The following COMMD1 variants were observed in gnomAD, a reference collection of about 807,000 sequenced individuals.
COMMD1 encodes copper metabolism domain containing 1.
COMMD1 carries 10 observed loss-of-function variants against 17.2 expected under a neutral mutation model. That is an observed-to-expected ratio of 0.58 (90% CI 0.36 to 0.99). The LOEUF is 0.99. Among genes scored for constraint, COMMD1 ranks in the 50% least tolerant of loss-of-function variants. COMMD1 has a pLI of 0.01. For missense variants in COMMD1, 270 were observed against 231.8 expected (o/e 1.17, Z -1.07); for synonymous variants, 97 against 91.6 (o/e 1.06, Z -0.34).
At chr2:62,086,078 G>T (rs1573165680) in intron 2 of COMMD1, among the ~76,000 whole-genome samples, 1 of 152,108 alleles carries the variant, frequency 6.6e-6, no homozygotes, top group South Asian at 2.1e-4. Flanking sequence ...AGGTGTGTGG[G>T]GGTTGAGGTG....
At chr2:61,969,712 G>T (rs1223622166) in intron 1 of COMMD1, among the ~76,000 whole-genome samples, 2 of 152,158 alleles carry the variant, frequency 1.3e-5, no homozygotes, top group Non-Finnish European at 2.9e-5. Context: ...AATTGGAGAA[G>T]TGCATAGCTT....
intron 2 of COMMD1, among the ~76,000 whole-genome samples, chr2:62,092,118 G>A (rs1226437572): frequency 6.6e-6 from 1 of 152,190 alleles, no homozygotes; most frequent in African/African-American, 2.4e-5. Flanking sequence ...GGGGTAGGCA[G>A]ACAGAAGAGA....
At chr2:62,049,880 C>T (rs1670490711) in intron 2 of COMMD1, among the ~76,000 whole-genome samples, 1 of 151,682 alleles carries the variant, frequency 6.6e-6, no homozygotes, top group Admixed American at 6.6e-5. Flanking sequence ...AGAAAAAATG[C>T]CCTAAATTTA....
chr2:61,928,934 T>G (rs1299602288), intron 1 of COMMD1, among the ~76,000 whole-genome samples: 1 of 152,158 alleles, frequency 6.6e-6, no homozygotes, highest in Non-Finnish European at 1.5e-5. Flanking sequence ...AAATAAGGAT[T>G]ATAACCTGGA....
intron 1 of COMMD1, among the ~76,000 whole-genome samples, chr2:61,971,363 G>A (rs979411039): frequency 1.3e-5 from 2 of 152,134 alleles, no homozygotes; most frequent in Non-Finnish European, 2.9e-5. Context: ...GATTTTTTAA[G>A]ATAAGATGGG....
intron 2 of COMMD1, among the ~76,000 whole-genome samples, chr2:62,027,674 A>G (rs1292460122): frequency 6.6e-6 from 1 of 150,872 alleles, no homozygotes; most frequent in East Asian, 1.9e-4. Context: ...ATGTTATGTT[A>G]TGTTATGTTA....
intron 2 of COMMD1, among the ~76,000 whole-genome samples, chr2:62,109,919 C>CTTTTTTTTTTT (rs11345736): frequency 1.2e-3 from 89 of 73,860 alleles, no homozygotes; most frequent in Non-Finnish European, 1.4e-3. Flanking sequence ...TTATCTTGAT[C>CTTTTTTTTTTT]TTTTTTTTTT....
chr2:61,936,724 C>T (rs1289795282), intron 1 of COMMD1, among the ~76,000 whole-genome samples: 1 of 152,210 alleles, frequency 6.6e-6, no homozygotes, highest in Non-Finnish European at 1.5e-5. Flanking sequence ...TGAGCCACCA[C>T]ACCTGGCCTT....
intron 1 of COMMD1, among the ~76,000 whole-genome samples, chr2:61,975,110 A>ATTTC (rs1671759135): frequency 2.3e-5 from 2 of 87,692 alleles, no homozygotes; most frequent in African/African-American, 4.0e-5. Flanking sequence ...TCGATAGCTC[A>ATTTC]TTTCTTTCTT....
rs1251434484 is a variant in COMMD1 at position 62,041,645 on chromosome 2, C to T, written c.462+40663C>T. Among the ~76,000 whole-genome samples, 3 of 152,198 alleles carry T rather than the reference C, an allele frequency of 2.0e-5. No individual in the cohort carries two copies. The East Asian group carries it at 5.8e-4, about 29-fold the overall frequency. On this transcript the variant is annotated intron_variant, in intron 2 of 2. Transcript: ENST00000311832. ...AGCTCAAGCCATCTGCCTCCCTGTC[C>T]TCCCAAAGTGCTAGTGTGTCCGGAA... is the stretch of plus-strand genomic sequence containing the variant.
intron 1 of COMMD1, among the ~76,000 whole-genome samples, chr2:61,949,006 A>C (rs1198958151): frequency 2.0e-5 from 3 of 152,214 alleles, no homozygotes; most frequent in Non-Finnish European, 4.4e-5. Flanking sequence ...GTGTCTTTGC[A>C]CCTATAATTC....
At chr2:61,899,247 C>T (rs1478114622) in intron 1 of COMMD1, among the ~76,000 whole-genome samples, 1 of 152,122 alleles carries the variant, frequency 6.6e-6, no homozygotes, top group Non-Finnish European at 1.5e-5. Flanking sequence ...AAGATGTCCT[C>T]CCTTTACCAG....
At chr2:62,104,483 A>C (rs901202228) in intron 2 of COMMD1, among the ~76,000 whole-genome samples, 1 of 151,556 alleles carries the variant, frequency 6.6e-6, no homozygotes, top group Admixed American at 6.6e-5. Flanking sequence ...AAAATGCAAA[A>C]ATTAGCTGGG....
At chr2:62,060,728 T>C (rs1272330881) in intron 2 of COMMD1, among the ~76,000 whole-genome samples, 1 of 152,220 alleles carries the variant, frequency 6.6e-6, no homozygotes, top group African/African-American at 2.4e-5. Context: ...TCTTTATTCT[T>C]GATGGATATT....
At chr2:61,958,948 G>A (rs1468193053) in intron 1 of COMMD1, among the ~76,000 whole-genome samples, 1 of 152,196 alleles carries the variant, frequency 6.6e-6, no homozygotes, top group Admixed American at 6.5e-5. Context: ...CTCAGAGGTG[G>A]GGTTATTAGA....
intron 2 of COMMD1, among the ~76,000 whole-genome samples, chr2:62,108,965 G>A (rs537206969): frequency 4.4e-4 from 67 of 152,158 alleles, no homozygotes; most frequent in Non-Finnish European, 6.0e-4. Context: ...AGATGATACT[G>A]TACTCAGCAC....
At position 62,057,295 on chromosome 2, in the gene COMMD1, A is replaced by T. The variant is rs541941936; in HGVS notation, c.462+56313A>T. On this transcript the variant is annotated intron_variant, in intron 2 of 2. Coordinates refer to ENST00000311832, the MANE Select transcript of COMMD1 (RefSeq NM_152516.4). ...GACCACTGACCTGGATTATGTATATAATCTCATAGCCAAAAACGATAATGT... is the reference window on the plus strand; with the variant it reads ...GACCACTGACCTGGATTATGTATATTATCTCATAGCCAAAAACGATAATGT... Among the ~76,000 whole-genome samples the T allele has an allele frequency of 1.2e-4, 19 of 152,334 alleles. No individual in the cohort carries two copies. The South Asian group carries it at 3.9e-3, about 32-fold the overall frequency.
intron 1 of COMMD1, among the ~76,000 whole-genome samples, chr2:61,900,577 T>G (rs925097920): frequency 2.6e-5 from 4 of 152,230 alleles, no homozygotes; most frequent in African/African-American, 9.6e-5. Flanking sequence ...CAGTCAGTTG[T>G]GTCTAAACTC....
chr2:62,012,973 G>T (rs1436524302), intron 2 of COMMD1, among the ~76,000 whole-genome samples: 1 of 152,106 alleles, frequency 6.6e-6, no homozygotes, highest in Non-Finnish European at 1.5e-5. Flanking sequence ...CAAAATACAG[G>T]CAGAGGGAGC....
Sources: gnomAD v4.1 joint callset for allele counts (sites outside exome capture counted in the v4.1 genomes callset) on GRCh38, gnomAD v4.1.1 for gene constraint, MANE v1.5 for transcripts, NCBI Gene and HGNC (gene_info 2026-07-23, HGNC 2026-07-21) for gene names.